RIMS2: variants seen among roughly 807,000 people sequenced by gnomAD.
RIMS2 encodes regulating synaptic membrane exocytosis protein 2.
A neutral mutation model predicts 174.4 loss-of-function variants in RIMS2; 59 were observed. That is an observed-to-expected ratio of 0.34 (90% confidence interval 0.27 to 0.42). RIMS2 has a LOEUF of 0.42. Ranked by LOEUF, RIMS2 falls within the 10% of genes least tolerant of loss-of-function variation. The pLI is 1.00. For missense variants in RIMS2, 1,620 were observed against 1,666.3 expected, an observed-to-expected ratio of 0.97 and a Z score of 0.48; for synonymous variants, 606 against 572.5, an observed-to-expected ratio of 1.06 and a Z score of -0.84.
At chr8:104,127,741 A>G (rs1191677882) in intron 19 of RIMS2, among the ~76,000 whole-genome samples, 1 of 152,194 alleles carries the variant, frequency 6.6e-6, no homozygotes, top group Non-Finnish European at 1.5e-5. Flanking sequence ...GCAAAAAAAA[A>G]CAATAAAAAA....
chr8:103,791,017 A>T (rs905661257), intron 3 of RIMS2, among the ~76,000 whole-genome samples: 2 of 152,236 alleles, frequency 1.3e-5, no homozygotes, highest in African/African-American at 2.4e-5. Context: ...ATCCAGGAGA[A>T]CTTTCCCAAC....
In RIMS2 at chr8:103,871,698, A is replaced by G. The variant is rs867403602; in HGVS notation, c.699-13600A>G. Among the ~76,000 whole-genome samples, 5 of 152,286 alleles carry G rather than the reference A, an allele frequency of 3.3e-5. No homozygotes were observed. The Middle Eastern group carries it at 0.017, about 518-fold the overall frequency. On this transcript the variant is annotated intron_variant, in intron 3 of 23. Coordinates refer to ENST00000504942, the Ensembl canonical transcript of RIMS2. Reference sequence around the variant, plus strand: ...TAAACTTTGTCACAACATGCAACTCAAAAGACTGTAGGATCAGGGGTAGAA... The same window carrying G: ...TAAACTTTGTCACAACATGCAACTCGAAAGACTGTAGGATCAGGGGTAGAA...
At chr8:104,054,372 A>G (rs924304645) in intron 19 of RIMS2, among the ~76,000 whole-genome samples, 5 of 152,170 alleles carry the variant, frequency 3.3e-5, no homozygotes, top group African/African-American at 1.2e-4. Flanking sequence ...GGAAAAAGCA[A>G]TACAATTTAG....
chr8:104,123,508 A>G (rs1333515586), intron 19 of RIMS2, among the ~76,000 whole-genome samples: 1 of 152,030 alleles, frequency 6.6e-6, no homozygotes, highest in East Asian at 1.9e-4. Flanking sequence ...GATTATGTGC[A>G]TCATTGGGGA....
chr8:103,737,696 G>A (rs958815002), intron 2 of RIMS2, among the ~76,000 whole-genome samples: 2 of 152,034 alleles, frequency 1.3e-5, no homozygotes, highest in African/African-American at 4.8e-5. Flanking sequence ...CTTCCCCTCA[G>A]GTATTTCTGT....
intron 1 of RIMS2, among the ~76,000 whole-genome samples, chr8:103,507,469 G>A (rs2130959095): frequency 6.6e-6 from 1 of 152,088 alleles, no homozygotes; most frequent in East Asian, 1.9e-4. Context: ...TATTAATCGG[G>A]TGAATGAACG....
intron 1 of RIMS2, among the ~76,000 whole-genome samples, chr8:103,668,390 G>A (rs74481616): frequency 0.01 from 1,535 of 152,282 alleles, 29 homozygotes; most frequent in African/African-American, 0.035. Context: ...ACTGTTATAG[G>A]ATTAACCTTC....
chr8:104,053,602 C>T (rs952582074), intron 19 of RIMS2, among the ~76,000 whole-genome samples: 10 of 152,088 alleles, frequency 6.6e-5, no homozygotes, highest in Admixed American at 1.3e-4. Context: ...GTCAATATTT[C>T]GGATAATTAA....
chr8:103,670,096 A>G (rs991386927), intron 1 of RIMS2, among the ~76,000 whole-genome samples: 4 of 152,200 alleles, frequency 2.6e-5, no homozygotes, highest in African/African-American at 7.2e-5. Flanking sequence ...CCAAACCTCA[A>G]TTCTTGACTT....
chr8:103,898,965 T>C (rs907855095), intron 4 of RIMS2, among the ~76,000 whole-genome samples: 1 of 150,022 alleles, frequency 6.7e-6, no homozygotes, highest in African/African-American at 2.5e-5. Flanking sequence ...AGTGAGAACA[T>C]GCAGGGTTTG....
intron 19 of RIMS2, among the ~76,000 whole-genome samples, chr8:104,225,970 C>A (rs933865713): frequency 1.9e-4 from 29 of 152,194 alleles, no homozygotes; most frequent in African/African-American, 6.5e-4. Context: ...GGTATTTCAA[C>A]ATACTCTGCA....
chr8:104,171,590 T>C (rs1190188849), intron 19 of RIMS2, among the ~76,000 whole-genome samples: 1 of 152,132 alleles, frequency 6.6e-6, no homozygotes, highest in Non-Finnish European at 1.5e-5. Flanking sequence ...ACATTTCTGT[T>C]ATCTCTTTGA....
intron 1 of RIMS2, among the ~76,000 whole-genome samples, chr8:103,615,952 T>A (rs1335732327): frequency 6.6e-6 from 1 of 152,022 alleles, no homozygotes; most frequent in African/African-American, 2.4e-5. Flanking sequence ...CCAAAAAAGA[T>A]GTGGTACCAT....
intron 3 of RIMS2, among the ~76,000 whole-genome samples, chr8:103,876,441 AT>A (rs1442699623): frequency 1.3e-5 from 2 of 151,398 alleles, no homozygotes; most frequent in Non-Finnish European, 2.9e-5. Context: ...GGGTCGTCTG[AT>A]TTTTTTAAAT....
chr8:103,768,242 C>G (rs531713088), intron 3 of RIMS2: 7 of 476,778 alleles, frequency 1.5e-5, no homozygotes, highest in Non-Finnish European at 2.3e-5. Context: ...ATAATGGGCT[C>G]TTTTTCGTGG....
intron 1 of RIMS2, among the ~76,000 whole-genome samples, chr8:103,611,350 C>G (rs988308419): frequency 6.6e-6 from 1 of 152,122 alleles, no homozygotes; most frequent in Non-Finnish European, 1.5e-5. Context: ...AGTTGAGATA[C>G]AGCAGTTGCA....
At chr8:104,113,957 C>T (rs2098238470) in intron 19 of RIMS2, among the ~76,000 whole-genome samples, 1 of 151,660 alleles carries the variant, frequency 6.6e-6, no homozygotes, top group Non-Finnish European at 1.5e-5. Context: ...AAAAAAATAA[C>T]CACAAATAAG....
rs75440071 is a variant in RIMS2 at position 104,238,883 on chromosome 8, G to A, written c.3335-6033G>A. Among the ~76,000 whole-genome samples, 57 of 152,286 alleles carry A rather than the reference G, an allele frequency of 3.7e-4. No homozygotes were observed. In the East Asian group the frequency reaches 5.4e-3, roughly 14 times the overall value. On this transcript the variant is annotated intron_variant, in intron 19 of 23. Transcript: ENST00000504942. ...TGAATAAATGCAAAAATAGCAACTC[G>A]TTAAAGCATATAAATTGTGGTCTAA...
rs1403058186 is a variant in RIMS2, at chr8:103,607,204, C to A, written c.177-89882C>A. ...TCTTTTAGGGCAGGCCTCGTGGTGA[C>A]AAAATCTCTCAGCGTTTGCTTGTCT... On this transcript the variant is annotated intron_variant, in intron 1 of 23. Transcript: ENST00000504942. Among the ~76,000 whole-genome samples the A allele has an allele frequency of 2.0e-5, 3 of 152,048 alleles. No homozygotes were observed. The East Asian group carries it at 5.8e-4, about 29-fold the overall frequency.
Sources: gnomAD v4.1 joint callset for allele counts (sites outside exome capture counted in the v4.1 genomes callset) on GRCh38, gnomAD v4.1.1 for gene constraint, MANE v1.5 for transcripts, NCBI Gene and HGNC (gene_info 2026-07-23, HGNC 2026-07-21) for gene names.